The following ANXA8 variants were observed in gnomAD, a reference collection of about 807,000 sequenced individuals.
ANXA8 encodes the protein VAC-beta.
ANXA8 carries 9 observed loss-of-function variants against 26.8 expected under a neutral mutation model. That is an observed-to-expected ratio of 0.34 (90% CI 0.20 to 0.59). The LOEUF (loss-of-function observed/expected upper bound fraction) is 0.59. Ranked by LOEUF, ANXA8 falls within the 20% of genes least tolerant of loss-of-function variation. ANXA8 has a pLI of 0.84. For missense variants in ANXA8, 83 were observed against 238.5 expected (o/e 0.35, Z 4.29); for synonymous variants, 39 against 94.8 (o/e 0.41, Z 3.42).
At chr10:47,762,943 G>T in the ANXA8 span, 3 of 1,301,418 alleles carry the variant, frequency 2.3e-6, no homozygotes, top group African/African-American at 5.1e-5. Context: ...GGTCCCGGGC[G>T]CCAGGGGCGC....
chr10:47,978,985 C>T, the ANXA8 span, among the ~76,000 whole-genome samples: 1 of 150,818 alleles, frequency 6.6e-6, no homozygotes, highest in Admixed American at 6.6e-5. Flanking sequence ...AAAGATAATC[C>T]ATGAAAGTAG....
chr10:47,988,727 G>A, the ANXA8 span, among the ~76,000 whole-genome samples: 5 of 150,754 alleles, frequency 3.3e-5, no homozygotes, highest in Non-Finnish European at 5.9e-5. Flanking sequence ...TCTTCCACAG[G>A]GAGCCTAAGG....
At chr10:47,488,178 TA>T (rs1373468890), upstream of ANXA8, among the ~76,000 whole-genome samples, 11 of 131,348 alleles carry the variant, frequency 8.4e-5, no homozygotes, top group African/African-American at 2.9e-4. Flanking sequence ...GTGTGAGAAA[TA>T]AATTTCTGTT....
chr10:47,681,359 CT>C, the ANXA8 span, among the ~76,000 whole-genome samples: 3,659 of 133,606 alleles, frequency 0.027, 2 homozygotes, highest in Middle Eastern at 0.039. Flanking sequence ...TAGCAAAGTT[CT>C]TTTTTTTTTT....
the ANXA8 span, among the ~76,000 whole-genome samples, chr10:47,652,898 A>G: frequency 2.0e-5 from 3 of 150,892 alleles, no homozygotes; most frequent in Admixed American, 6.6e-5. Flanking sequence ...TATTATATTT[A>G]CACTTGATCT....
chr10:47,484,365 T>A (rs1839977895), upstream of ANXA8: 1 of 843,372 alleles, frequency 1.2e-6, no homozygotes, highest in Non-Finnish European at 1.9e-6. Flanking sequence ...ATTACAGGCA[T>A]GAGCCACCGC....
At chr10:47,656,218 A>C in the ANXA8 span, among the ~76,000 whole-genome samples, 1 of 151,652 alleles carries the variant, frequency 6.6e-6, no homozygotes, top group East Asian at 1.9e-4. Flanking sequence ...GCAACATGGC[A>C]AAACCTTGTT....
the ANXA8 span, among the ~76,000 whole-genome samples, chr10:47,506,694 C>T: frequency 7.0e-6 from 1 of 143,518 alleles, no homozygotes. Flanking sequence ...GGCTGCAGTG[C>T]AATGGCACGA....
chr10:47,671,654 C>G, the ANXA8 span, among the ~76,000 whole-genome samples: 1 of 151,572 alleles, frequency 6.6e-6, no homozygotes, highest in Non-Finnish European at 1.5e-5. Context: ...TCAATGGTCC[C>G]TAAAACCTTA....
At chr10:47,507,755 A>G in the ANXA8 span, among the ~76,000 whole-genome samples, 1 of 116,694 alleles carries the variant, frequency 8.6e-6, no homozygotes, top group South Asian at 3.0e-4. Context: ...TTTTTACAAA[A>G]ATATGAGAAC....
chr10:47,980,879 G>C, the ANXA8 span, among the ~76,000 whole-genome samples: 1 of 151,268 alleles, frequency 6.6e-6, no homozygotes, highest in South Asian at 2.1e-4. Context: ...TCGCTGATTA[G>C]TTTTCCCAAA....
chr10:47,689,195 T>C, the ANXA8 span, among the ~76,000 whole-genome samples: 1 of 151,494 alleles, frequency 6.6e-6, no homozygotes. Context: ...AGAGTCTTTT[T>C]TTGAGATGGA....
the ANXA8 span, among the ~76,000 whole-genome samples, chr10:47,704,745 A>G: frequency 6.6e-6 from 1 of 152,170 alleles, no homozygotes; most frequent in African/African-American, 2.4e-5. Flanking sequence ...TAGAGCGACT[A>G]ACAATAACAA....
At chr10:47,639,133 T>C in the ANXA8 span, among the ~76,000 whole-genome samples, 4 of 148,586 alleles carry the variant, frequency 2.7e-5, no homozygotes, top group African/African-American at 7.6e-5. Flanking sequence ...TTTGTTTTTT[T>C]TCTTTTTCTT....
At chr10:47,557,704 T>C in the ANXA8 span, among the ~76,000 whole-genome samples, 6 of 151,628 alleles carry the variant, frequency 4.0e-5, no homozygotes, top group Non-Finnish European at 7.4e-5. Context: ...AATCAAACCC[T>C]ATTAAGAGAA....
chr10:47,522,234 C>A, the ANXA8 span, among the ~76,000 whole-genome samples: 4,565 of 141,856 alleles, frequency 0.032, 671 homozygotes, highest in African/African-American at 0.12. Context: ...TCTACGTTGA[C>A]GTTTCATGTC....
the ANXA8 span, among the ~76,000 whole-genome samples, chr10:47,587,820 T>G: frequency 6.9e-6 from 1 of 145,942 alleles, no homozygotes; most frequent in Admixed American, 6.6e-5. Flanking sequence ...AGATGCCGAG[T>G]CTAGTGCAGG....
the ANXA8 span, among the ~76,000 whole-genome samples, chr10:47,982,473 A>T: frequency 2.0e-5 from 3 of 147,462 alleles, no homozygotes; most frequent in Admixed American, 6.8e-5. Context: ...AAGAGGATTA[A>T]AAAAAAGCCT....
At chr10:47,950,188 CAGAA>C in the ANXA8 span, among the ~76,000 whole-genome samples, 2 of 151,248 alleles carry the variant, frequency 1.3e-5, no homozygotes, top group East Asian at 4.0e-4. Flanking sequence ...ATAAATTTAT[CAGAA>C]AGAGAAAAAT....
Sources: gnomAD v4.1 joint callset for allele counts (sites outside exome capture counted in the v4.1 genomes callset) on GRCh38, gnomAD v4.1.1 for gene constraint, MANE v1.5 for transcripts, NCBI Gene and HGNC (gene_info 2026-07-23, HGNC 2026-07-21) for gene names.